Variants in SHC4 observed in about 807,000 individuals in gnomAD.
SHC4 encodes the protein SHC-transforming protein 4.
A neutral mutation model predicts 69.4 loss-of-function variants in SHC4; 41 were observed. That is an observed-to-expected ratio of 0.59 (90% CI 0.46 to 0.77). The LOEUF is 0.77. Among genes scored for constraint, SHC4 ranks in the 30% least tolerant of loss-of-function variants. The pLI is 0.00. For missense variants in SHC4, 777 were observed against 783.8 expected (o/e 0.99, Z 0.10); for synonymous variants, 318 against 299.3 (o/e 1.06, Z -0.64).
At chr15:48,942,164 TAGTC>T (rs1361087167) in intron 1 of SHC4, among the ~76,000 whole-genome samples, 2 of 151,230 alleles carry the variant, frequency 1.3e-5, no homozygotes, top group Admixed American at 6.7e-5. Context: ...GGTGACCTGT[TAGTC>T]AGTATTTTTT....
At chr15:48,888,649 T>C (rs113497482) in intron 3 of SHC4, among the ~76,000 whole-genome samples, 23,697 of 151,892 alleles carry the variant, frequency 0.16, 2,123 homozygotes, top group East Asian at 0.28. Context: ...ATCCCAGCAC[T>C]TTGGGAGGCT....
Position 48,962,661 on chromosome 15 carries a change from G to A in SHC4, c.355C>T (p.Leu119Phe), listed in dbSNP as rs748980482. ...LGTKEVPRLK[L>F]QESRDPGSSG... ...GAACCTGGGTCCCGGCTTTCCTGGAGCTTCAGCCGAGGCACCTCTTTGGTA... is the reference window on the plus strand; with the variant it reads ...GAACCTGGGTCCCGGCTTTCCTGGAACTTCAGCCGAGGCACCTCTTTGGTA... The change falls in exon 1 of 12, where the codon CTC becomes TTC. Residue 119 changes from leucine to phenylalanine, a missense_variant. Transcript: ENST00000332408. 6 of 1,614,216 alleles carry A rather than the reference G, an allele frequency of 3.7e-6. No homozygotes were observed. In the South Asian group the frequency reaches 4.4e-5, roughly 12 times the overall value.
chr15:48,954,654 A>C (rs904778432), intron 1 of SHC4, among the ~76,000 whole-genome samples: 2 of 152,238 alleles, frequency 1.3e-5, no homozygotes, highest in Non-Finnish European at 2.9e-5. Context: ...TGAGCAGCAC[A>C]AGGCAAGACT....
At chr15:48,924,981 G>A in intron 1 of SHC4, 32 bp from the exon 2 acceptor site, 1 of 1,610,974 alleles carries the variant, frequency 6.2e-7, no homozygotes, top group Non-Finnish European at 8.5e-7. Context: ...GAAGAAGTAG[G>A]ACAAAAATTC....
At chr15:48,917,789 C>T (rs1555436530) in intron 2 of SHC4, among the ~76,000 whole-genome samples, 3 of 152,188 alleles carry the variant, frequency 2.0e-5, no homozygotes, top group Non-Finnish European at 4.4e-5. Flanking sequence ...TTCCTCTGCT[C>T]TATCTGAGTA....
At chr15:48,856,160 G>GGAA in intron 7 of SHC4, 36 bp from the exon 8 acceptor site, 1 of 1,584,112 alleles carries the variant, frequency 6.3e-7, no homozygotes, top group Non-Finnish European at 8.6e-7. Context: ...GAGGCTGGGC[G>GGAA]AAAATTCAAA....
chr15:48,896,731 T>C (rs1900228930), intron 2 of SHC4, among the ~76,000 whole-genome samples: 1 of 152,212 alleles, frequency 6.6e-6, no homozygotes, highest in South Asian at 2.1e-4. Flanking sequence ...AAATACTGCT[T>C]TAAATTAACC....
At chr15:48,892,185 G>T (rs1900150167) in intron 2 of SHC4, among the ~76,000 whole-genome samples, 1 of 152,098 alleles carries the variant, frequency 6.6e-6, no homozygotes, top group Non-Finnish European at 1.5e-5. Flanking sequence ...CTACAGCTAT[G>T]ATATTTTGTA....
At chr15:48,879,167 T>A (rs1451970259) in intron 4 of SHC4, 1 of 172,128 alleles carries the variant, frequency 5.8e-6, no homozygotes, top group Non-Finnish European at 1.4e-5. Context: ...CTAGGACACA[T>A]ATCTTTTGAG....
chr15:48,847,773 C>T (rs1413651338), intron 9 of SHC4, among the ~76,000 whole-genome samples: 3 of 151,982 alleles, frequency 2.0e-5, no homozygotes, highest in Non-Finnish European at 2.9e-5. Context: ...GAGGCCAAGG[C>T]GGGCAGATCA....
At chr15:48,957,444 T>C (rs991347520) in intron 1 of SHC4, among the ~76,000 whole-genome samples, 1 of 152,228 alleles carries the variant, frequency 6.6e-6, no homozygotes, top group Non-Finnish European at 1.5e-5. Context: ...ATTGTGGTAC[T>C]GTGGACTACA....
At chr15:48,961,001 TA>T (rs1361877608) in intron 1 of SHC4, among the ~76,000 whole-genome samples, 1 of 152,206 alleles carries the variant, frequency 6.6e-6, no homozygotes, top group African/African-American at 2.4e-5. Context: ...TTAGTTATAT[TA>T]TGATTTGAAA....
intron 4 of SHC4, chr15:48,877,611 T>C (rs1308873740): frequency 2.1e-6 from 2 of 965,700 alleles, no homozygotes; most frequent in East Asian, 1.1e-4. Context: ...CGAAAAGAAA[T>C]GGGACCAAGT....
intron 10 of SHC4, among the ~76,000 whole-genome samples, chr15:48,841,276 G>T (rs1004916602): frequency 8.5e-5 from 13 of 152,150 alleles, no homozygotes; most frequent in Admixed American, 8.5e-4. Flanking sequence ...TCCAGAAAGG[G>T]TTTTTTTCCA....
intron 1 of SHC4, among the ~76,000 whole-genome samples, chr15:48,927,456 C>T (rs941130426): frequency 6.6e-6 from 1 of 152,196 alleles, no homozygotes; most frequent in Non-Finnish European, 1.5e-5. Context: ...TCCGTGCACA[C>T]TTTTTGAAAA....
At chr15:48,922,771 C>T (rs141873638) in intron 2 of SHC4, among the ~76,000 whole-genome samples, 2 of 152,276 alleles carry the variant, frequency 1.3e-5, no homozygotes, top group East Asian at 1.9e-4. Flanking sequence ...CTGTAGCCTG[C>T]TCAGGATTGG....
At chr15:48,889,725 T>C (rs1900098468) in intron 3 of SHC4, among the ~76,000 whole-genome samples, 1 of 152,152 alleles carries the variant, frequency 6.6e-6, no homozygotes, top group Non-Finnish European at 1.5e-5. Flanking sequence ...GCTCCTGTGG[T>C]CCCAGCTACT....
At chr15:48,929,394 GA>G (rs1197518808) in intron 1 of SHC4, among the ~76,000 whole-genome samples, 1 of 152,118 alleles carries the variant, frequency 6.6e-6, no homozygotes, top group Non-Finnish European at 1.5e-5. Context: ...ACCATGAAAA[GA>G]GATGACCTAT....
At chr15:48,859,271 T>C (rs1309117784) in intron 6 of SHC4, among the ~76,000 whole-genome samples, 2 of 151,796 alleles carry the variant, frequency 1.3e-5, no homozygotes, top group South Asian at 2.1e-4. Flanking sequence ...AATTTGACTT[T>C]TACTTAAAAA....
Sources: allele counts gnomAD v4.1 joint callset (sites outside exome capture counted in the v4.1 genomes callset), GRCh38; gene constraint gnomAD v4.1.1; transcripts MANE v1.5; gene names NCBI Gene and HGNC (gene_info 2026-07-23, HGNC 2026-07-21).